NCAM2: variants seen among roughly 807,000 people sequenced by gnomAD.
NCAM2 encodes N-CAM-2.
Under a neutral mutation model 98.1 loss-of-function variants are expected in NCAM2, and 30 were observed. The observed-to-expected ratio is 0.31, with a 90% CI of 0.23 to 0.41. NCAM2 has a LOEUF of 0.41. Among genes scored for constraint, NCAM2 ranks in the 10% least tolerant of loss-of-function variants. The pLI, the probability that NCAM2 is intolerant of heterozygous loss-of-function variation, is 1.00. For synonymous variants in NCAM2, 368 were observed against 342.4 expected (o/e 1.07, Z -0.83); for missense variants, 867 against 1,005.8 (o/e 0.86, Z 1.87).
chr21:21,500,909 T>A (rs1415753502), intron 15 of NCAM2, among the ~76,000 whole-genome samples: 1 of 152,090 alleles, frequency 6.6e-6, no homozygotes, highest in Non-Finnish European at 1.5e-5. Flanking sequence ...TAAAGGATGC[T>A]GTTTGGTTTT....
chr21:20,998,873 G>GCTT (rs775962594), intron 1 of NCAM2, among the ~76,000 whole-genome samples: 1 of 151,938 alleles, frequency 6.6e-6, no homozygotes, highest in Non-Finnish European at 1.5e-5. Flanking sequence ...CAGGGAAACC[G>GCTT]CTTCTTCTTC....
At chr21:21,435,328 A>G (rs1226256961) in intron 12 of NCAM2, among the ~76,000 whole-genome samples, 2 of 152,126 alleles carry the variant, frequency 1.3e-5, no homozygotes, top group Non-Finnish European at 2.9e-5. Context: ...CCAAATTGCG[A>G]TGCAAATATC....
intron 1 of NCAM2, among the ~76,000 whole-genome samples, chr21:21,195,773 A>G (rs963574976): frequency 6.6e-6 from 1 of 152,182 alleles, no homozygotes; most frequent in Admixed American, 6.5e-5. Flanking sequence ...TGTAGCTGTA[A>G]TGCACACTCC....
intron 1 of NCAM2, among the ~76,000 whole-genome samples, chr21:21,112,200 C>CAAAAA (rs1430567236): frequency 2.0e-5 from 3 of 152,016 alleles, no homozygotes; most frequent in African/African-American, 7.3e-5. Flanking sequence ...TATAGTGATT[C>CAAAAA]ATTGTGTTTT....
chr21:21,105,970 GTA>G (rs2066335874), intron 1 of NCAM2, among the ~76,000 whole-genome samples: 2 of 151,950 alleles, frequency 1.3e-5, no homozygotes, highest in African/African-American at 4.8e-5. Context: ...TTCCAAGAGG[GTA>G]TGTTTATCAT....
intron 10 of NCAM2, among the ~76,000 whole-genome samples, chr21:21,411,123 TACAC>T (rs1371134581): frequency 1.6e-5 from 1 of 60,800 alleles, no homozygotes; most frequent in African/African-American, 6.1e-5. Flanking sequence ...TATATATATA[TACAC>T]ATATATATGT....
chr21:21,266,084 T>C (rs1030641481), intron 1 of NCAM2, among the ~76,000 whole-genome samples: 1 of 152,134 alleles, frequency 6.6e-6, no homozygotes, highest in Non-Finnish European at 1.5e-5. Context: ...AATTAGAATA[T>C]ATTCAAATGT....
At chr21:21,127,145 A>G (rs1274414801) in intron 1 of NCAM2, among the ~76,000 whole-genome samples, 1 of 151,964 alleles carries the variant, frequency 6.6e-6, no homozygotes, top group African/African-American at 2.4e-5. Flanking sequence ...GTAGTTTTTT[A>G]GATAATCCTT....
intron 12 of NCAM2, among the ~76,000 whole-genome samples, chr21:21,439,204 C>T (rs755649254): frequency 6.6e-5 from 10 of 151,772 alleles, no homozygotes; most frequent in Non-Finnish European, 1.0e-4. Flanking sequence ...CTACAACCTC[C>T]GCCTCCCGGG....
chr21:21,161,326 ATTTATTTATTTAT>A (rs1005364342), intron 1 of NCAM2, among the ~76,000 whole-genome samples: 10 of 151,470 alleles, frequency 6.6e-5, no homozygotes, highest in Non-Finnish European at 1.3e-4. Flanking sequence ...GGTGCATTTT[ATTTATTTATTTAT>A]TTTATTTATT....
chr21:21,439,034 T>A (rs62214326), intron 12 of NCAM2, among the ~76,000 whole-genome samples: 19,850 of 151,868 alleles, frequency 0.13, 1,351 homozygotes, highest in South Asian at 0.17. Flanking sequence ...TGCAGAGAAC[T>A]ATGACTGTGC....
intron 1 of NCAM2, among the ~76,000 whole-genome samples, chr21:21,138,504 A>G (rs1046120156): frequency 3.9e-5 from 6 of 152,158 alleles, no homozygotes; most frequent in South Asian, 2.1e-4. Flanking sequence ...GTAGGAATCA[A>G]TGATAACTGG....
chr21:21,196,945 G>A (rs1483344141), intron 1 of NCAM2, among the ~76,000 whole-genome samples: 1 of 152,006 alleles, frequency 6.6e-6, no homozygotes, highest in African/African-American at 2.4e-5. Flanking sequence ...AAAGTGTGGA[G>A]CACGTAGCAC....
At chr21:21,477,565 A>G in intron 15 of NCAM2, 94 bp downstream of exon 15, 1 of 997,056 alleles carries the variant, frequency 1.0e-6, no homozygotes, top group Non-Finnish European at 1.4e-6. Flanking sequence ...TAATTAAAAC[A>G]AACTGAAATG....
At chr21:21,009,338 T>A (rs1417484932) in intron 1 of NCAM2, among the ~76,000 whole-genome samples, 1 of 152,256 alleles carries the variant, frequency 6.6e-6, no homozygotes, top group East Asian at 1.9e-4. Flanking sequence ...CATAAATATA[T>A]GAACGTCTAT....
intron 16 of NCAM2, among the ~76,000 whole-genome samples, chr21:21,522,131 A>G (rs978493956): frequency 6.8e-6 from 1 of 148,056 alleles, no homozygotes; most frequent in African/African-American, 2.5e-5. Flanking sequence ...ATTTATATAT[A>G]AATATGAATA....
intron 8 of NCAM2, among the ~76,000 whole-genome samples, chr21:21,348,616 A>G (rs1425923851): frequency 1.4e-5 from 2 of 148,108 alleles, no homozygotes; most frequent in Non-Finnish European, 3.0e-5. Context: ...TATATGGAAC[A>G]CAAAAGACTC....
chr21:21,065,221 A>C (rs1351863286), intron 1 of NCAM2, among the ~76,000 whole-genome samples: 1 of 151,790 alleles, frequency 6.6e-6, no homozygotes, highest in Non-Finnish European at 1.5e-5. Context: ...AAAACAAAAC[A>C]AAAAAAACTT....
chr21:21,321,190 T>A (rs2074365819), intron 5 of NCAM2, among the ~76,000 whole-genome samples: 2 of 152,240 alleles, frequency 1.3e-5, no homozygotes, highest in Non-Finnish European at 2.9e-5. Flanking sequence ...TTTCATATGT[T>A]TGCTGGTTGC....
Sources: gnomAD v4.1 joint callset for allele counts (sites outside exome capture counted in the v4.1 genomes callset) on GRCh38, gnomAD v4.1.1 for gene constraint, MANE v1.5 for transcripts, NCBI Gene and HGNC (gene_info 2026-07-23, HGNC 2026-07-21) for gene names.